ZNRF3: variants seen among roughly 807,000 people sequenced by gnomAD.
ZNRF3 encodes zinc and ring finger 3.
In ZNRF3, 23 loss-of-function variants were observed where a neutral mutation model predicts 72.5. The ratio of observed to expected loss-of-function variants is 0.32; its 90% CI spans 0.23 to 0.45. The LOEUF (loss-of-function observed/expected upper bound fraction) is 0.45, where lower values mean the gene tolerates loss of function less well. ZNRF3 is among the 20% of genes least tolerant of loss of function. The pLI, the probability that ZNRF3 is intolerant of heterozygous loss-of-function variation, is 1.00. For synonymous variants in ZNRF3, 610 were observed against 545.3 expected, an observed-to-expected ratio of 1.12 and a Z score of -1.65; for missense variants, 1,169 against 1,272.1, an observed-to-expected ratio of 0.92 and a Z score of 1.23.
chr22:29,024,240 C>G (rs532538565), intron 2 of ZNRF3, among the ~76,000 whole-genome samples: 3 of 150,162 alleles, frequency 2.0e-5, no homozygotes, highest in Non-Finnish European at 4.4e-5. Flanking sequence ...GTGGTTCAGT[C>G]TCTCGAGTCT....
At chr22:29,005,804 GGT>G (rs1398422791) in intron 2 of ZNRF3, among the ~76,000 whole-genome samples, 1 of 152,182 alleles carries the variant, frequency 6.6e-6, no homozygotes, top group African/African-American at 2.4e-5. Context: ...GGCCAGGCGA[GGT>G]GGGCGGATCA....
intron 1 of ZNRF3, among the ~76,000 whole-genome samples, chr22:28,940,540 A>G (rs536653918): frequency 3.9e-4 from 59 of 150,282 alleles, no homozygotes; most frequent in Non-Finnish European, 7.8e-4. Context: ...CTCCCTCTTA[A>G]GAGAGCCAAC....
intron 1 of ZNRF3, among the ~76,000 whole-genome samples, chr22:28,906,699 C>T (rs1232064168): frequency 2.6e-5 from 4 of 152,216 alleles, no homozygotes; most frequent in Non-Finnish European, 5.9e-5. Flanking sequence ...ATCAGGTAAA[C>T]CACCTATTAG....
chr22:28,895,937 C>T (rs1341027999), intron 1 of ZNRF3, among the ~76,000 whole-genome samples: 1 of 152,038 alleles, frequency 6.6e-6, no homozygotes, highest in Non-Finnish European at 1.5e-5. Context: ...CTGGATTCTG[C>T]CCCAGAAGGC....
At chr22:28,895,357 ATTGT>A (rs1490301791) in intron 1 of ZNRF3, among the ~76,000 whole-genome samples, 4 of 152,258 alleles carry the variant, frequency 2.6e-5, no homozygotes, top group Admixed American at 2.6e-4. Flanking sequence ...CTGAGACTTA[ATTGT>A]TTGTGCTGAA....
In ZNRF3 at chr22:28,928,672, A is replaced by T. The variant is rs555316074; in HGVS notation, c.300+44606A>T. ...CCAAACCCGGCTAATTTTTTTTTTT[A>T]TTTTTAGTAGAGACGGGGTTTCACC... On this transcript the variant is annotated intron_variant, in intron 1 of 8. Coordinates refer to ENST00000544604, the MANE Select transcript of ZNRF3 (RefSeq NM_001206998.2). 3.4e-3 allele frequency among the ~76,000 whole-genome samples: 498 copies of T among 148,492 alleles called. 3 individuals carry two copies. The highest frequency in any genetic ancestry group is 0.012 in the African/African-American group (481 of 40,114).
chr22:28,968,004 AT>A (rs1231995034), intron 1 of ZNRF3, among the ~76,000 whole-genome samples: 5 of 151,660 alleles, frequency 3.3e-5, no homozygotes, highest in Non-Finnish European at 7.4e-5. Flanking sequence ...CTGAAAACTT[AT>A]GTCTTATTTC....
chr22:28,971,892 G>C (rs957605577), intron 1 of ZNRF3, among the ~76,000 whole-genome samples: 3 of 152,000 alleles, frequency 2.0e-5, no homozygotes, highest in African/African-American at 7.3e-5. Context: ...ATTTTTTGTA[G>C]AGACAGGGTT....
At chr22:29,035,662 G>A (rs1416386480) in intron 2 of ZNRF3, among the ~76,000 whole-genome samples, 2 of 152,144 alleles carry the variant, frequency 1.3e-5, no homozygotes, top group Admixed American at 6.5e-5. Flanking sequence ...TGCAAGCTCC[G>A]CCTCCTGGGT....
At chr22:29,013,090 T>C (rs1253962623) in intron 2 of ZNRF3, among the ~76,000 whole-genome samples, 1 of 152,174 alleles carries the variant, frequency 6.6e-6, no homozygotes, top group Non-Finnish European at 1.5e-5. Flanking sequence ...GGAAGCCGAG[T>C]GCTGTTGAAG....
chr22:28,929,726 C>T (rs1055177891), intron 1 of ZNRF3, among the ~76,000 whole-genome samples: 1 of 152,212 alleles, frequency 6.6e-6, no homozygotes, highest in African/African-American at 2.4e-5. Context: ...ACGATTTTCA[C>T]ACTTTAGCAG....
At chr22:29,031,742 G>C in intron 2 of ZNRF3, 1 of 541,358 alleles carries the variant, frequency 1.8e-6, no homozygotes, top group Non-Finnish European at 2.4e-6. Flanking sequence ...ACCTGTGGGC[G>C]TCAGGCGTGG....
At chr22:28,898,996 T>G (rs1380394561) in intron 1 of ZNRF3, among the ~76,000 whole-genome samples, 2 of 151,444 alleles carry the variant, frequency 1.3e-5, no homozygotes, top group Non-Finnish European at 2.9e-5. Flanking sequence ...ATTGGGACTT[T>G]CAGGAATATT....
chr22:29,046,655 T>A, intron 5 of ZNRF3, 61 bp from the exon 6 acceptor site: 1 of 1,472,080 alleles, frequency 6.8e-7, no homozygotes, highest in Non-Finnish European at 9.1e-7. Flanking sequence ...GTCATGTCCC[T>A]GGGGTGACTG....
At chr22:28,909,174 G>A (rs2034268972) in intron 1 of ZNRF3, among the ~76,000 whole-genome samples, 1 of 152,150 alleles carries the variant, frequency 6.6e-6, no homozygotes. Flanking sequence ...TAGGATTACA[G>A]GCGTGAGCCA....
At position 29,053,853 on chromosome 22, in the gene ZNRF3, A is replaced by G; in HGVS notation, c.*231A>G. 3 of 471,524 alleles carry G rather than the reference A, an allele frequency of 6.4e-6. No homozygotes were observed. The highest frequency in any genetic ancestry group is 1.1e-5 in the Non-Finnish European group (3 of 266,122). The allele number at this position is 471,524 out of a possible 1,614,324, so 29.2% of individuals were successfully genotyped here. A position where few individuals can be genotyped will look rare whatever the true frequency, so the allele number is the denominator to read the frequency against. On this transcript the variant is annotated 3_prime_UTR_variant, in exon 9 of 9. Coordinates refer to ENST00000544604, the MANE Select transcript of ZNRF3 (RefSeq NM_001206998.2). ...CTCCGAGTCCTTTGCCTCTTTTGAT[A>G]ACATGTTGTTCTGTTTTGTAAAGTG...
At chr22:29,035,034 G>A (rs1345188087) in intron 2 of ZNRF3, among the ~76,000 whole-genome samples, 1 of 144,330 alleles carries the variant, frequency 6.9e-6, no homozygotes, top group Non-Finnish European at 1.5e-5. Flanking sequence ...TAGACACACG[G>A]AGTCTTGCTA....
At chr22:28,926,794 T>A in intron 1 of ZNRF3, among the ~76,000 whole-genome samples, 1 of 122,744 alleles carries the variant, frequency 8.1e-6, no homozygotes, top group Admixed American at 8.6e-5. Context: ...CGAAACTCCA[T>A]CTCAAAAAAA....
rs184173681 is a variant in ZNRF3, at chr22:28,903,889, C to A, written c.300+19823C>A. On this transcript the variant is annotated intron_variant, in intron 1 of 8. Coordinates refer to ENST00000544604, the MANE Select transcript of ZNRF3 (RefSeq NM_001206998.2). ...ACTGTTGGGTGACTTCCCATGGTGACCTTGAGTGTGTCTGAGAGGCTCAGC... is the reference window on the plus strand; with the variant it reads ...ACTGTTGGGTGACTTCCCATGGTGAACTTGAGTGTGTCTGAGAGGCTCAGC... 2.6e-3 allele frequency among the ~76,000 whole-genome samples: 391 copies of A among 152,226 alleles called. 1 individual carries two copies. Among genetic ancestry groups the A allele is most frequent in the Non-Finnish European group, 4.1e-3 (276 of 68,028 alleles).
Sources: allele counts gnomAD v4.1 joint callset (sites outside exome capture counted in the v4.1 genomes callset), GRCh38; gene constraint gnomAD v4.1.1; transcripts MANE v1.5; gene names NCBI Gene and HGNC (gene_info 2026-07-23, HGNC 2026-07-21).